Variants in ARFGEF1 observed in about 807,000 individuals in gnomAD.
ARFGEF1 encodes ARF guanine nucleotide exchange factor 1.
In ARFGEF1, 42 loss-of-function variants were observed where a neutral mutation model predicts 231.0. The observed-to-expected ratio is 0.18, with a 90% CI of 0.14 to 0.24. ARFGEF1 has a LOEUF of 0.24. ARFGEF1 is among the 10% of genes least tolerant of loss of function. ARFGEF1 has a pLI of 1.00. For missense variants in ARFGEF1, 1,345 were observed against 2,192.0 expected, an observed-to-expected ratio of 0.61 and a Z score of 7.72; for synonymous variants, 710 against 732.3, an observed-to-expected ratio of 0.97 and a Z score of 0.49.
rs760677096 is a variant in ARFGEF1 at position 67,343,329 on chromosome 8, C to A, written c.-42G>T. On this transcript the variant is annotated 5_prime_UTR_variant, in exon 1 of 39. Coordinates refer to ENST00000262215, the MANE Select transcript of ARFGEF1 (RefSeq NM_006421.5). ...GCGGCGGCTCGTCCGACCCGCGGCTCCCAGCGGCTGGAGGGGAGGAGGAGG... is the reference window on the plus strand; with the variant it reads ...GCGGCGGCTCGTCCGACCCGCGGCTACCAGCGGCTGGAGGGGAGGAGGAGG... The A allele has an allele frequency of 1.2e-6, 2 of 1,603,628 alleles. No individual in the cohort carries two copies. Among genetic ancestry groups the A allele is most frequent in the Non-Finnish European group, 8.5e-7 (1 of 1,173,724 alleles).
chr8:67,302,493 A>G (rs750073337), intron 1 of ARFGEF1, 27 bp from the exon 2 acceptor site: 4 of 1,536,612 alleles, frequency 2.6e-6, no homozygotes, highest in Non-Finnish European at 3.5e-6. Flanking sequence ...AGAAGCATAC[A>G]TTAGAAAACT....
chr8:67,340,266 A>C (rs777067858), intron 1 of ARFGEF1, among the ~76,000 whole-genome samples: 1 of 152,244 alleles, frequency 6.6e-6, no homozygotes, highest in Non-Finnish European at 1.5e-5. Flanking sequence ...TATTTGGGGA[A>C]AGAATGAAGA....
chr8:67,273,420 A>C (rs34658587), intron 9 of ARFGEF1, among the ~76,000 whole-genome samples: 10 of 66,378 alleles, frequency 1.5e-4, no homozygotes, highest in African/African-American at 2.5e-4. Context: ...TTTTTTTCCC[A>C]AAAAAAAAAA....
chr8:67,244,242 C>CA (rs34333039), intron 19 of ARFGEF1, among the ~76,000 whole-genome samples: 1,997 of 20,088 alleles, frequency 0.099, 601 homozygotes, highest in Middle Eastern at 0.14. Context: ...GACTCCACCT[C>CA]AAAAAAAAAA....
intron 5 of ARFGEF1, among the ~76,000 whole-genome samples, chr8:67,177,452 A>G (rs1024062405): frequency 6.6e-6 from 1 of 152,188 alleles, no homozygotes; most frequent in Non-Finnish European, 1.5e-5. Context: ...TACATTTGCA[A>G]TGATTTTACT....
At chr8:67,199,162 G>C (rs2129577106) in intron 38 of ARFGEF1, 64 bp from the exon 39 acceptor site, 2 of 1,555,642 alleles carry the variant, frequency 1.3e-6, no homozygotes, top group Non-Finnish European at 1.7e-6. Flanking sequence ...AAACTGCCTA[G>C]AGTCAAACTA....
At chr8:67,284,808 C>G (rs1272071321) in intron 7 of ARFGEF1, among the ~76,000 whole-genome samples, 1 of 152,092 alleles carries the variant, frequency 6.6e-6, no homozygotes, top group Non-Finnish European at 1.5e-5. Context: ...CATCTTGTAA[C>G]CAATTCTTGG....
intron 19 of ARFGEF1, among the ~76,000 whole-genome samples, chr8:67,242,827 A>G (rs1207189186): frequency 6.6e-6 from 1 of 152,132 alleles, no homozygotes; most frequent in Non-Finnish European, 1.5e-5. Context: ...AGCATTCAAG[A>G]CAAGCTCATG....
At chr8:67,214,998 C>T (rs1320527950) in intron 33 of ARFGEF1, among the ~76,000 whole-genome samples, 5 of 152,196 alleles carry the variant, frequency 3.3e-5, no homozygotes, top group Admixed American at 2.0e-4. Flanking sequence ...TAAAACTCAA[C>T]GGAATTGTCC....
intron 1 of ARFGEF1, among the ~76,000 whole-genome samples, chr8:67,327,974 T>C (rs1014456436): frequency 7.2e-5 from 11 of 152,218 alleles, no homozygotes; most frequent in African/African-American, 2.4e-4. Context: ...TGTACATATA[T>C]CTTTGTAACA....
intron 1 of ARFGEF1, among the ~76,000 whole-genome samples, chr8:67,319,882 T>TA (rs934325394): frequency 6.6e-6 from 1 of 151,950 alleles, no homozygotes; most frequent in Non-Finnish European, 1.5e-5. Context: ...GCAAAAGACT[T>TA]AGACATTCAC....
downstream of ARFGEF1, chr8:67,195,609 G>T (rs757391546): frequency 1.0e-5 from 16 of 1,607,398 alleles, no homozygotes; most frequent in African/African-American, 1.3e-5. Context: ...ACCTGTACTG[G>T]ACCCAGTAGT....
At chr8:67,205,423 C>A (rs897188711) in intron 34 of ARFGEF1, among the ~76,000 whole-genome samples, 1 of 152,176 alleles carries the variant, frequency 6.6e-6, no homozygotes, top group Admixed American at 6.5e-5. Flanking sequence ...AGACTGGACA[C>A]CCCTGATTTA....
chr8:67,197,705 C>A lies in ARFGEF1; in HGVS notation c.*1229G>T, dbSNP rs1838121470. The A allele has an allele frequency of 2.0e-6, 2 of 985,548 alleles. No individual in the cohort carries two copies. Among genetic ancestry groups the A allele is most frequent in the Non-Finnish European group, 2.4e-6 (2 of 829,880 alleles). 61.1% of individuals were successfully genotyped at this position (985,548 alleles called of 1,614,324 possible). The stretch of plus-strand genomic sequence containing the variant: ...ATTCAAAAACTTTATTGACCTATAA[C>A]CTGATTAGAATATGCCAGATGGGAA... On this transcript the variant is annotated 3_prime_UTR_variant, in exon 39 of 39. Coordinates refer to ENST00000262215, the MANE Select transcript of ARFGEF1 (RefSeq NM_006421.5).
At chr8:67,180,973 T>C (rs1252397431) in intron 5 of ARFGEF1, among the ~76,000 whole-genome samples, 1 of 152,152 alleles carries the variant, frequency 6.6e-6, no homozygotes, top group East Asian at 1.9e-4. Context: ...TTCAGGCCAA[T>C]TACTTTAGAT....
intron 36 of ARFGEF1, 29 bp downstream of exon 36, chr8:67,203,054 A>T (rs1838390299): frequency 2.5e-6 from 4 of 1,595,496 alleles, no homozygotes; most frequent in Non-Finnish European, 3.4e-6. Flanking sequence ...TCAACAGTAA[A>T]CATTAAATGT....
At chr8:67,342,094 G>T (rs1808657837) in intron 1 of ARFGEF1, among the ~76,000 whole-genome samples, 1 of 152,122 alleles carries the variant, frequency 6.6e-6, no homozygotes, top group South Asian at 2.1e-4. Context: ...CCCCTTTCAA[G>T]AATGCTTTTT....
chr8:67,208,450 C>T (rs543105572), intron 34 of ARFGEF1, among the ~76,000 whole-genome samples: 49 of 151,916 alleles, frequency 3.2e-4, no homozygotes, highest in Non-Finnish European at 5.6e-4. Context: ...GCCAACATGG[C>T]GAAACCCCAT....
Position 67,198,821 on chromosome 8 carries a change from G to A in ARFGEF1, c.*113C>T, listed in dbSNP as rs1350951445. Reference sequence around the variant, plus strand: ...GTAAGACTTCTAAGCATCTTTACCAGTAACTCAGACACTGCAATCCAGAGA... The same window carrying A: ...GTAAGACTTCTAAGCATCTTTACCAATAACTCAGACACTGCAATCCAGAGA... On this transcript the variant is annotated 3_prime_UTR_variant, in exon 39 of 39. Transcript: ENST00000262215. 2 of 1,493,920 alleles carry A rather than the reference G, an allele frequency of 1.3e-6. No homozygotes were observed. 92.5% of individuals were successfully genotyped at this position (1,493,920 alleles called of 1,614,324 possible). A position where few individuals can be genotyped will look rare whatever the true frequency, so the allele number is the denominator to read the frequency against.
Sources: gnomAD v4.1 joint callset for allele counts (sites outside exome capture counted in the v4.1 genomes callset) on GRCh38, gnomAD v4.1.1 for gene constraint, MANE v1.5 for transcripts, NCBI Gene and HGNC (gene_info 2026-07-23, HGNC 2026-07-21) for gene names.